RYR2: variants seen among roughly 807,000 people sequenced by gnomAD.
RYR2 encodes the protein cardiac muscle ryanodine receptor-calcium release channel.
Under a neutral mutation model 601.1 loss-of-function variants are expected in RYR2, and 227 were observed. The ratio of observed to expected loss-of-function variants is 0.38; its 90% CI spans 0.34 to 0.42. The LOEUF (loss-of-function observed/expected upper bound fraction) is 0.42. Among genes scored for constraint, RYR2 ranks in the 10% least tolerant of loss-of-function variants. The pLI, the probability that RYR2 is intolerant of heterozygous loss-of-function variation, is 1.00. For missense variants in RYR2, 4,646 were observed against 6,156.5 expected (o/e 0.75, Z 8.21); for synonymous variants, 2,223 against 2,175.1 (o/e 1.02, Z -0.61).
chr1:237,104,805 C>T (rs896875585), intron 1 of RYR2, among the ~76,000 whole-genome samples: 3 of 152,172 alleles, frequency 2.0e-5, no homozygotes, highest in African/African-American at 4.8e-5. Context: ...ATCTTTGTAC[C>T]GAGTTTGCAA....
intron 29 of RYR2, among the ~76,000 whole-genome samples, chr1:237,570,263 A>G (rs1672538876): frequency 1.3e-5 from 2 of 151,582 alleles, no homozygotes; most frequent in Middle Eastern, 6.9e-3. Flanking sequence ...CAAGGAAGAC[A>G]TTTACTCTTC....
At chr1:237,565,746 T>G (rs1672003114) in intron 27 of RYR2, among the ~76,000 whole-genome samples, 1 of 152,168 alleles carries the variant, frequency 6.6e-6, no homozygotes, top group African/African-American at 2.4e-5. Flanking sequence ...ATCAATTCAA[T>G]GAACACTCAT....
At chr1:237,194,733 T>G (rs2149017371) in intron 1 of RYR2, among the ~76,000 whole-genome samples, 1 of 152,300 alleles carries the variant, frequency 6.6e-6, no homozygotes. Context: ...CAAAGCATCT[T>G]TGCTTCTCCT....
chr1:237,237,387 T>A (rs1388424447), intron 1 of RYR2, among the ~76,000 whole-genome samples: 1 of 152,182 alleles, frequency 6.6e-6, no homozygotes, highest in African/African-American at 2.4e-5. Flanking sequence ...TCCAACTGAC[T>A]GAATGGACCT....
intron 83 of RYR2, among the ~76,000 whole-genome samples, chr1:237,760,053 T>C (rs1291673340): frequency 6.6e-6 from 1 of 152,110 alleles, no homozygotes; most frequent in South Asian, 2.1e-4. Context: ...TACAGAATGG[T>C]AATAATGTCT....
chr1:237,554,096 G>A (rs1670656536), intron 27 of RYR2, among the ~76,000 whole-genome samples: 1 of 151,912 alleles, frequency 6.6e-6, no homozygotes, highest in African/African-American at 2.4e-5. Flanking sequence ...GGAAAGTTGT[G>A]ATGTTTCACC....
chr1:237,467,925 C>G (rs920499343), intron 16 of RYR2, among the ~76,000 whole-genome samples: 3 of 146,196 alleles, frequency 2.1e-5, no homozygotes, highest in African/African-American at 7.7e-5. Flanking sequence ...GTGGCACGAT[C>G]TTGGCTCACT....
Position 237,782,178 on chromosome 1 carries a change from CTTTTT to C in RYR2, c.11962+547_11962+551del, listed in dbSNP as rs35521596. 5.9e-5 allele frequency among the ~76,000 whole-genome samples: 7 copies of C among 119,146 alleles called. No individual in the cohort carries two copies. In the East Asian group the frequency reaches 7.8e-4, roughly 13 times the overall value. The allele number at this position is 119,146 out of a possible 152,430, so 78.2% of individuals were successfully genotyped here. On this transcript the variant is annotated intron_variant, in intron 89 of 104. Transcript: ENST00000366574. The stretch of plus-strand genomic sequence containing the variant: ...TTCTTCCCAGCTTATTTTGTTATTG[CTTTTT>C]TTTTTTTTTTTTTTCCTGTAGCAGG...
In RYR2 at chr1:237,082,558, A is replaced by ATATATATATAT. The variant is rs1558200818; in HGVS notation, c.48+39989_48+39990insTATATATATAT. Among the ~76,000 whole-genome samples, 27 of 24,206 alleles carry ATATATATATAT rather than the reference A, an allele frequency of 1.1e-3. 1 individual carries two copies. The highest frequency in any genetic ancestry group is 1.5e-3 in the African/African-American group (24 of 15,702). 15.9% of individuals were successfully genotyped at this position (24,206 alleles called of 152,430 possible). A position where few individuals can be genotyped will look rare whatever the true frequency, so the allele number is the denominator to read the frequency against. On this transcript the variant is annotated intron_variant, in intron 1 of 104. Transcript: ENST00000366574. ...ATATATATATATATATATATATATA[A>ATATATATATAT]AATCGGATATAAAATCAGAGAGTAA...
intron 51 of RYR2, among the ~76,000 whole-genome samples, chr1:237,651,906 G>A (rs889138071): frequency 4.6e-5 from 7 of 152,126 alleles, no homozygotes; most frequent in Admixed American, 3.3e-4. Context: ...ACGTGGTGGT[G>A]GGTGCCTGTA....
At chr1:237,380,422 A>ATATATATATATATT (rs1214802373) in intron 8 of RYR2, among the ~76,000 whole-genome samples, 1 of 48,048 alleles carries the variant, frequency 2.1e-5, no homozygotes, top group African/African-American at 8.1e-5. Context: ...ATATATATAT[A>ATATATATATATATT]GTAAATACGA....
At chr1:237,638,546 T>TATAATAAG (rs1326292459) in intron 45 of RYR2, 54 bp downstream of exon 45, 2 of 1,572,910 alleles carry the variant, frequency 1.3e-6, no homozygotes, top group Admixed American at 3.5e-5. Flanking sequence ...TGCATAGAGA[T>TATAATAAG]ATAATAAGGA....
At chr1:237,490,760 T>C (rs1275968256) in intron 17 of RYR2, among the ~76,000 whole-genome samples, 2 of 152,208 alleles carry the variant, frequency 1.3e-5, no homozygotes, top group African/African-American at 2.4e-5. Flanking sequence ...CGTTTTGTAA[T>C]GGATTGGGGC....
chr1:237,550,028 G>A (rs1014960481), intron 26 of RYR2, among the ~76,000 whole-genome samples: 4 of 152,092 alleles, frequency 2.6e-5, no homozygotes, highest in East Asian at 3.9e-4. Context: ...TGGCATTGCC[G>A]GGTTTCACTG....
intron 24 of RYR2, among the ~76,000 whole-genome samples, chr1:237,517,402 G>T (rs1044959478): frequency 2.6e-5 from 4 of 152,098 alleles, no homozygotes; most frequent in East Asian, 3.9e-4. Context: ...TAGACCAGGG[G>T]TGTCCAATCT....
chr1:237,445,205 T>A (rs761011017), intron 13 of RYR2, among the ~76,000 whole-genome samples, 196 bp from the exon 14 acceptor site: 17 of 152,214 alleles, frequency 1.1e-4, no homozygotes, highest in Middle Eastern at 3.4e-3. Context: ...AATAACTAAA[T>A]GAATAAATGG....
intron 94 of RYR2, among the ~76,000 whole-genome samples, chr1:237,792,896 T>C (rs995369076): frequency 2.5e-4 from 38 of 152,246 alleles, no homozygotes; most frequent in African/African-American, 8.9e-4. Context: ...GGGAAGTATC[T>C]ACTGCTATTC....
At chr1:237,347,728 G>C (rs1698422080) in intron 3 of RYR2, among the ~76,000 whole-genome samples, 1 of 151,934 alleles carries the variant, frequency 6.6e-6, no homozygotes, top group Admixed American at 6.6e-5. Context: ...TAGTCTATTA[G>C]TAGACTAATA....
intron 88 of RYR2, among the ~76,000 whole-genome samples, chr1:237,779,216 C>A (rs139078593): frequency 0.011 from 1,622 of 152,266 alleles, 18 homozygotes; most frequent in Middle Eastern, 0.02. Flanking sequence ...ATGCTTACCC[C>A]TAACCAGTGT....
Sources: allele counts gnomAD v4.1 joint callset (sites outside exome capture counted in the v4.1 genomes callset), GRCh38; gene constraint gnomAD v4.1.1; transcripts MANE v1.5; gene names NCBI Gene and HGNC (gene_info 2026-07-23, HGNC 2026-07-21).